The following TMEM18 variants were observed in gnomAD, a reference collection of about 807,000 sequenced individuals.
The protein encoded by TMEM18 is transmembrane protein 18.
A neutral mutation model predicts 17.4 loss-of-function variants in TMEM18; 14 were observed. The ratio of observed to expected loss-of-function variants is 0.80; its 90% CI spans 0.53 to 1.25. TMEM18 has a LOEUF of 1.25. Ranked by LOEUF, TMEM18 falls within the 50% of genes most tolerant of loss-of-function variation. The probability of loss-of-function intolerance (pLI) is 0.00; values close to 1 mark genes in which losing one functional copy is unlikely to be tolerated. For missense variants in TMEM18, 187 were observed against 172.1 expected, an observed-to-expected ratio of 1.09 and a Z score of -0.48; for synonymous variants, 86 against 66.1, an observed-to-expected ratio of 1.30 and a Z score of -1.46.
At chr2:672,667 C>T (rs913411675) in intron 3 of TMEM18, 141 bp downstream of exon 3, 4 of 642,516 alleles carry the variant, frequency 6.2e-6, no homozygotes, top group Non-Finnish European at 7.1e-6. Flanking sequence ...TGGAGCCCAC[C>T]AACCCTGGAT....
At chr2:672,758 C>T (rs2103092354) in intron 3 of TMEM18, 50 bp downstream of exon 3, 1 of 1,407,348 alleles carries the variant, frequency 7.1e-7, no homozygotes, top group Non-Finnish European at 9.3e-7. Flanking sequence ...GGGGCCATTC[C>T]CAGGGACACC....
intron 3 of TMEM18, among the ~76,000 whole-genome samples, chr2:672,215 G>A (rs1678867474): frequency 6.6e-6 from 1 of 152,106 alleles, no homozygotes; most frequent in Non-Finnish European, 1.5e-5. Context: ...TAGCTCACAG[G>A]CCACTCAAAA....
rs1678659651 is a variant in TMEM18, at chr2:665,450, CCACT to C, written c.*4126_*4129del. Reference sequence around the variant, plus strand: ...AACAGGACCCAGAGATGCAGATGCTCCACTCACTCAGATAGAGAATCAACTCCAC... The same window carrying C: ...AACAGGACCCAGAGATGCAGATGCTCCACTCAGATAGAGAATCAACTCCAC... On this transcript the variant is annotated 3_prime_UTR_variant, in exon 5 of 5. Coordinates refer to ENST00000281017, the MANE Select transcript of TMEM18 (RefSeq NM_152834.4). Among the ~76,000 whole-genome samples the C allele has an allele frequency of 6.6e-6, 1 of 151,418 alleles. No individual in the cohort carries two copies. The highest frequency in any genetic ancestry group is 1.5e-5 in the Non-Finnish European group (1 of 67,930).
rs1048876551 is a variant in TMEM18, at chr2:676,803, T to A, written c.57+486A>T. On this transcript the variant is annotated intron_variant, in intron 1 of 4. Coordinates refer to ENST00000281017, the MANE Select transcript of TMEM18 (RefSeq NM_152834.4). ...GCCGCACTGCCAGAATCCGCCCACATGGCCCAAGCCCCGCCCGCAAGACGC... is the reference window on the plus strand; with the variant it reads ...GCCGCACTGCCAGAATCCGCCCACAAGGCCCAAGCCCCGCCCGCAAGACGC... The A allele has an allele frequency of 8.5e-6, 6 of 703,974 alleles. No individual in the cohort carries two copies. In the African/African-American group the frequency reaches 8.9e-5, roughly 10 times the overall value. The allele number at this position is 703,974 out of a possible 1,614,324, so 43.6% of individuals were successfully genotyped here.
Position 669,825 on chromosome 2 carries a change from C to A in TMEM18, c.259G>T (p.Asp87Tyr). The A allele has an allele frequency of 6.2e-7, 1 of 1,612,904 alleles. No homozygotes were observed. Among genetic ancestry groups the A allele is most frequent in the South Asian group, 1.1e-5 (1 of 90,720 alleles). Residue 87 changes from aspartate (D) to tyrosine (Y), a missense_variant, in exon 4 of 5, where the codon GAC (aspartate) becomes TAC (tyrosine). By Grantham distance (160) the Asp-to-Tyr change is radical. Coordinates refer to ENST00000281017, the MANE Select transcript of TMEM18 (RefSeq NM_152834.4). Reference sequence around the variant, plus strand: ...ATAGAAATGAACATCCCCCTGGAGTCGAAATACTGGTATTTCGAAAATAAT... The same window carrying A: ...ATAGAAATGAACATCCCCCTGGAGTAGAAATACTGGTATTTCGAAAATAAT... ...WRLFSKYQYF[D>Y]SRGMFISIVF...
At chr2:673,632 T>C (rs1678916164) in intron 2 of TMEM18, among the ~76,000 whole-genome samples, 1 of 152,020 alleles carries the variant, frequency 6.6e-6, no homozygotes, top group African/African-American at 2.4e-5. Context: ...CAGATTAAAC[T>C]AGGGGCTACG....
intron 1 of TMEM18, chr2:676,697 C>T: frequency 6.6e-7 from 1 of 1,504,202 alleles, no homozygotes; most frequent in Non-Finnish European, 9.0e-7. Flanking sequence ...CAGACGAACC[C>T]GGCACGGCGC....
intron 3 of TMEM18, 191 bp from the exon 4 acceptor site, chr2:670,041 T>C: frequency 5.2e-6 from 3 of 572,992 alleles, no homozygotes; most frequent in Non-Finnish European, 9.2e-6. Context: ...ATGCTCATTA[T>C]GAAGAAAACA....
In TMEM18 at chr2:664,281, G is replaced by A. The variant is rs1014654884; in HGVS notation, c.*5299C>T. Among the ~76,000 whole-genome samples, 3 of 152,130 alleles carry A rather than the reference G, an allele frequency of 2.0e-5. No homozygotes were observed. The highest frequency in any genetic ancestry group is 2.9e-5 in the Non-Finnish European group (2 of 68,030). ...GTCACTTGTCAGCTTGGGAGGAGGTGGAACCTCAGCTCTTCACAGTTCCTG... is the reference window on the plus strand; with the variant it reads ...GTCACTTGTCAGCTTGGGAGGAGGTAGAACCTCAGCTCTTCACAGTTCCTG... On this transcript the variant is annotated 3_prime_UTR_variant, in exon 5 of 5. Coordinates refer to ENST00000281017, the MANE Select transcript of TMEM18 (RefSeq NM_152834.4).
intron 2 of TMEM18, 124 bp downstream of exon 2, chr2:675,386 G>T: frequency 7.1e-7 from 1 of 1,410,806 alleles, no homozygotes; most frequent in Non-Finnish European, 9.7e-7. Flanking sequence ...CTGGGAGCAG[G>T]CACATGACAG....
rs981805272 is a variant in TMEM18, at chr2:666,747, C to T, written c.*2833G>A. On this transcript the variant is annotated 3_prime_UTR_variant, in exon 5 of 5. Coordinates refer to ENST00000281017, the MANE Select transcript of TMEM18 (RefSeq NM_152834.4). Reference sequence around the variant, plus strand: ...GCATGTGGAGCCCAGCCCCGTCCTCCCCAGGACCGACTTGCTGGTGTAGTC... The same window carrying T: ...GCATGTGGAGCCCAGCCCCGTCCTCTCCAGGACCGACTTGCTGGTGTAGTC... Among the ~76,000 whole-genome samples the T allele has an allele frequency of 1.1e-4, 17 of 152,064 alleles. No homozygotes were observed. Among genetic ancestry groups the T allele is most frequent in the Admixed American group, 9.8e-4 (15 of 15,278 alleles).
intron 1 of TMEM18, chr2:676,177 C>A (rs2293083): frequency 1.0e-5 from 14 of 1,342,468 alleles, no homozygotes; most frequent in Non-Finnish European, 1.4e-5. Context: ...CTGCAATACA[C>A]TGAACTCTCC....
rs577038403 is a variant in TMEM18 at position 664,290 on chromosome 2, G to A, written c.*5290C>T. On this transcript the variant is annotated 3_prime_UTR_variant, in exon 5 of 5. Coordinates refer to ENST00000281017, the MANE Select transcript of TMEM18 (RefSeq NM_152834.4). ...CAGCTTGGGAGGAGGTGGAACCTCAGCTCTTCACAGTTCCTGATGATACAT... is the reference window on the plus strand; with the variant it reads ...CAGCTTGGGAGGAGGTGGAACCTCAACTCTTCACAGTTCCTGATGATACAT... Among the ~76,000 whole-genome samples, 32 of 152,332 alleles carry A rather than the reference G, an allele frequency of 2.1e-4. No homozygotes were observed. Among genetic ancestry groups the A allele is most frequent in the African/African-American group, 7.0e-4 (29 of 41,576 alleles).
At chr2:675,121 T>C (rs1409125457) in intron 2 of TMEM18, among the ~76,000 whole-genome samples, 1 of 152,246 alleles carries the variant, frequency 6.6e-6, no homozygotes, top group African/African-American at 2.4e-5. Flanking sequence ...AGTTGGGCAA[T>C]GCCTTATTTT....
rs958885768 is a variant in TMEM18 at position 666,731 on chromosome 2, GC to G, written c.*2848del. ...TGCCTCCGAGAACTCTGCATGTGGA[GC>G]CCAGCCCCGTCCTCCCCAGGACCGA... On this transcript the variant is annotated 3_prime_UTR_variant, in exon 5 of 5. Coordinates refer to ENST00000281017, the MANE Select transcript of TMEM18 (RefSeq NM_152834.4). Among the ~76,000 whole-genome samples the G allele has an allele frequency of 2.0e-5, 3 of 152,148 alleles. No individual in the cohort carries two copies. Among genetic ancestry groups the G allele is most frequent in the Non-Finnish European group, 4.4e-5 (3 of 68,040 alleles).
At chr2:677,251 C>A in intron 1 of TMEM18, 38 bp downstream of exon 1, 1 of 1,597,062 alleles carries the variant, frequency 6.3e-7, no homozygotes, top group Non-Finnish European at 8.5e-7. Context: ...TCTCCGCCGT[C>A]CTCCCCCGAA....
At chr2:676,735 C>A in intron 1 of TMEM18, 1 of 1,202,748 alleles carries the variant, frequency 8.3e-7, no homozygotes. Flanking sequence ...GGCAGCGTTC[C>A]TCCGTGCCAC....
chr2:664,763 C>G lies in TMEM18; in HGVS notation c.*4817G>C, dbSNP rs989532734. Among the ~76,000 whole-genome samples, 34 of 152,308 alleles carry G rather than the reference C, an allele frequency of 2.2e-4. No homozygotes were observed. Among genetic ancestry groups the G allele is most frequent in the African/African-American group, 7.9e-4 (33 of 41,546 alleles). On this transcript the variant is annotated 3_prime_UTR_variant, in exon 5 of 5. Coordinates refer to ENST00000281017, the MANE Select transcript of TMEM18 (RefSeq NM_152834.4). Reference sequence around the variant, plus strand: ...TAAATTTCACTTGTAAGAATTTATTCCAAGTCAATAGTGGAAATGTAGGCA... The same window carrying G: ...TAAATTTCACTTGTAAGAATTTATTGCAAGTCAATAGTGGAAATGTAGGCA...
In TMEM18 at chr2:672,803, C is replaced by G. The variant is rs376382588; in HGVS notation, c.233+5G>C. On this transcript the variant is annotated splice_donor_5th_base_variant and intron_variant, in intron 3 of 4. Transcript: ENST00000281017. ...ACCTGGTCACAGGCCCGGGGGTGGGCTCACCTCCAGTTCATCGCAGCCGCC... is the reference window on the plus strand; with the variant it reads ...ACCTGGTCACAGGCCCGGGGGTGGGGTCACCTCCAGTTCATCGCAGCCGCC... 1.3e-5 allele frequency: 19 copies of G among 1,468,088 alleles called. No individual in the cohort carries two copies. Among genetic ancestry groups the G allele is most frequent in the Non-Finnish European group, 1.6e-5 (18 of 1,112,716 alleles). 90.9% of individuals were successfully genotyped at this position (1,468,088 alleles called of 1,614,324 possible).
Sources: allele counts gnomAD v4.1 joint callset (sites outside exome capture counted in the v4.1 genomes callset), GRCh38; gene constraint gnomAD v4.1.1; transcripts MANE v1.5; gene names NCBI Gene and HGNC (gene_info 2026-07-23, HGNC 2026-07-21).